NREP: variants seen among roughly 807,000 people sequenced by gnomAD.
NREP encodes neuronal regeneration-related protein.
Under a neutral mutation model 8.6 loss-of-function variants are expected in NREP, and 5 were observed. The observed-to-expected ratio is 0.58, with a 90% CI of 0.30 to 1.22. The LOEUF is 1.22. NREP is among the 50% of genes most tolerant of loss of function. NREP has a pLI of 0.07. For synonymous variants in NREP, 27 were observed against 28.0 expected, an observed-to-expected ratio of 0.96 and a Z score of 0.11; for missense variants, 86 against 82.5, an observed-to-expected ratio of 1.04 and a Z score of -0.17.
chr5:111,841,480 T>C (rs1339008676), intron 2 of NREP, among the ~76,000 whole-genome samples: 2 of 152,150 alleles, frequency 1.3e-5, no homozygotes, highest in African/African-American at 4.8e-5. Context: ...GACTAAAAGG[T>C]AGACCAATAG....
At chr5:111,753,200 CTT>C (rs1035586276) in intron 2 of NREP, among the ~76,000 whole-genome samples, 5 of 151,754 alleles carry the variant, frequency 3.3e-5, no homozygotes, top group Non-Finnish European at 5.9e-5. Context: ...TAACAGTACT[CTT>C]GAGTTGCACA....
At chr5:111,886,550 T>G (rs1360084984) in intron 2 of NREP, among the ~76,000 whole-genome samples, 1 of 151,202 alleles carries the variant, frequency 6.6e-6, no homozygotes, top group East Asian at 1.9e-4. Context: ...TTATTCACAA[T>G]AGCAAAGACT....
intron 2 of NREP, among the ~76,000 whole-genome samples, chr5:111,765,591 A>G (rs1405134059): frequency 6.6e-6 from 1 of 152,228 alleles, no homozygotes; most frequent in African/African-American, 2.4e-5. Context: ...TACTTAACAC[A>G]GTGTAAGCCG....
intron 2 of NREP, among the ~76,000 whole-genome samples, chr5:111,820,230 G>C (rs1752486716): frequency 6.6e-6 from 1 of 152,116 alleles, no homozygotes; most frequent in African/African-American, 2.4e-5. Context: ...CAAAAAAAAA[G>C]TGCTTGTGTA....
intron 2 of NREP, among the ~76,000 whole-genome samples, chr5:111,897,836 TA>T (rs1394424394): frequency 2.6e-5 from 4 of 152,094 alleles, no homozygotes; most frequent in African/African-American, 4.8e-5. Context: ...AACATAAAAG[TA>T]AAAAGATAAA....
At chr5:111,880,530 C>A (rs1176654524) in intron 2 of NREP, among the ~76,000 whole-genome samples, 1 of 152,064 alleles carries the variant, frequency 6.6e-6, no homozygotes, top group South Asian at 2.1e-4. Context: ...TTTCTGGTTT[C>A]ATTCCTTGTG....
chr5:111,744,287 T>G (rs1024489610), intron 2 of NREP, among the ~76,000 whole-genome samples: 4 of 152,162 alleles, frequency 2.6e-5, no homozygotes, highest in Non-Finnish European at 5.9e-5. Context: ...ATTTAAAAAC[T>G]GGTATCTCTT....
intron 2 of NREP, among the ~76,000 whole-genome samples, chr5:111,904,828 G>A (rs1754738868): frequency 6.6e-6 from 1 of 152,018 alleles, no homozygotes; most frequent in Admixed American, 6.6e-5. Context: ...CAGAAAACAA[G>A]ACCAAGAATA....
At chr5:111,976,619 T>C (rs564574370) in intron 1 of NREP, 1 of 1,015,960 alleles carries the variant, frequency 9.8e-7, no homozygotes, top group Non-Finnish European at 1.5e-6. Flanking sequence ...AATGGAGAGG[T>C]CAGTGAGGCA....
intron 2 of NREP, among the ~76,000 whole-genome samples, chr5:111,821,366 TA>T (rs368234084): frequency 0.096 from 13,956 of 145,936 alleles, 718 homozygotes; most frequent in Non-Finnish European, 0.13. Flanking sequence ...TTCCCTTCTT[TA>T]AAAAAAAAAA....
At chr5:111,975,226 G>C (rs1756928417) in intron 2 of NREP, 2 of 1,383,520 alleles carry the variant, frequency 1.4e-6, no homozygotes, top group Non-Finnish European at 2.0e-6. Context: ...AACCCAACTT[G>C]AACTAGCTTA....
At chr5:111,814,533 G>C (rs1464985211) in intron 2 of NREP, among the ~76,000 whole-genome samples, 7 of 152,062 alleles carry the variant, frequency 4.6e-5, no homozygotes, top group African/African-American at 1.2e-4. Flanking sequence ...TAGGATTAAA[G>C]TACTCCCCAG....
chr5:111,803,673 C>G (rs1225721147), intron 2 of NREP, among the ~76,000 whole-genome samples: 2 of 152,086 alleles, frequency 1.3e-5, no homozygotes, highest in African/African-American at 4.8e-5. Context: ...GAATATTTAG[C>G]ATAATTGATA....
intron 2 of NREP, chr5:111,940,240 AAAAAAGACTACGAAATAC>A (rs1755794526): frequency 6.6e-6 from 1 of 152,106 alleles, no homozygotes; most frequent in African/African-American, 2.4e-5. Context: ...ACCTTACCTG[AAAAAAGACTACGAAATAC>A]CAAAAACAAA....
chr5:111,762,255 C>T (rs952115872), upstream of NREP, among the ~76,000 whole-genome samples: 6 of 151,954 alleles, frequency 3.9e-5, no homozygotes, highest in African/African-American at 1.5e-4. Flanking sequence ...GATGGGATTT[C>T]CTAAAACAGA....
At chr5:111,945,088 G>T (rs1393764782) in intron 2 of NREP, among the ~76,000 whole-genome samples, 2 of 151,932 alleles carry the variant, frequency 1.3e-5, no homozygotes, top group Non-Finnish European at 2.9e-5. Context: ...TGAAGGTTTG[G>T]ACAACACCCT....
upstream of NREP, chr5:111,757,457 G>A (rs1447932172): frequency 2.3e-5 from 23 of 984,842 alleles, no homozygotes; most frequent in Non-Finnish European, 2.8e-5. Flanking sequence ...TCTCTCTCCC[G>A]CTAGGGTGCT....
intron 2 of NREP, among the ~76,000 whole-genome samples, chr5:111,861,128 T>G: frequency 6.6e-6 from 1 of 152,116 alleles, no homozygotes; most frequent in Non-Finnish European, 1.5e-5. Flanking sequence ...GCTCTGAAAG[T>G]AGGAAGTACC....
chr5:111,968,387 T>A (rs1054591075), intron 2 of NREP, among the ~76,000 whole-genome samples: 1 of 152,240 alleles, frequency 6.6e-6, no homozygotes, highest in African/African-American at 2.4e-5. Context: ...ACATTTCTAG[T>A]ACAGAAACTG....
Sources: gnomAD v4.1 joint callset for allele counts (sites outside exome capture counted in the v4.1 genomes callset) on GRCh38, gnomAD v4.1.1 for gene constraint, MANE v1.5 for transcripts, NCBI Gene and HGNC (gene_info 2026-07-23, HGNC 2026-07-21) for gene names.